Variants in RGPD2 observed in about 807,000 individuals in gnomAD.
The protein encoded by RGPD2 is RANBP2 like and GRIP domain containing 2, also known as RANBP2-like and GRIP domain-containing protein 2.
RGPD2 carries 2 observed loss-of-function variants against 36.0 expected under a neutral mutation model. The observed-to-expected ratio is 0.06, with a 90% CI of 0.02 to 0.17. The LOEUF (loss-of-function observed/expected upper bound fraction) is 0.17. Among genes scored for constraint, RGPD2 ranks in the 10% least tolerant of loss-of-function variants. The probability of loss-of-function intolerance (pLI) is 1.00; values close to 1 mark genes in which losing one functional copy is unlikely to be tolerated. For synonymous variants in RGPD2, 19 were observed against 163.8 expected, an observed-to-expected ratio of 0.12 and a Z score of 6.75; for missense variants, 40 against 464.3, an observed-to-expected ratio of 0.09 and a Z score of 8.40.
the RGPD2 span, among the ~76,000 whole-genome samples, chr2:87,864,576 T>TGATAGATAGATAGATA: frequency 1.3e-5 from 2 of 151,296 alleles, no homozygotes; most frequent in Non-Finnish European, 3.0e-5. Context: ...CATAGATAGA[T>TGATAGATAGATAGATA]GATAGATAGA....
the RGPD2 span, among the ~76,000 whole-genome samples, chr2:87,852,737 G>A: frequency 3.8e-3 from 532 of 140,828 alleles, no homozygotes; most frequent in Admixed American, 8.4e-3. Context: ...GCATAACTCA[G>A]TCTCTTAATT....
At chr2:87,983,908 G>C in the RGPD2 span, among the ~76,000 whole-genome samples, 1 of 152,224 alleles carries the variant, frequency 6.6e-6, no homozygotes, top group African/African-American at 2.4e-5. Flanking sequence ...AGACCAGGAA[G>C]GTGAGCAAGG....
chr2:87,824,565 C>T (rs1686528273), intron 1 of RGPD2, among the ~76,000 whole-genome samples: 1 of 151,848 alleles, frequency 6.6e-6, no homozygotes, highest in Non-Finnish European at 1.5e-5. Flanking sequence ...TTCACTCAAA[C>T]CTAACTTTAC....
At chr2:87,943,855 G>A in the RGPD2 span, among the ~76,000 whole-genome samples, 880 of 152,038 alleles carry the variant, frequency 5.8e-3, 4 homozygotes, top group African/African-American at 0.016. Flanking sequence ...TCCCATCATC[G>A]TTGGTTGAGT....
chr2:87,944,764 T>C, the RGPD2 span, among the ~76,000 whole-genome samples: 1 of 125,290 alleles, frequency 8.0e-6, no homozygotes. Context: ...TATTTTAATA[T>C]GTAATTGGTT....
At chr2:87,813,079 CAT>C (rs1445771341) in intron 4 of RGPD2, among the ~76,000 whole-genome samples, 1 of 152,202 alleles carries the variant, frequency 6.6e-6, no homozygotes, top group Non-Finnish European at 1.5e-5. Flanking sequence ...TTCTCCACCA[CAT>C]GACAAGTTCC....
the RGPD2 span, among the ~76,000 whole-genome samples, chr2:87,915,306 G>GTATATA: frequency 9.0e-4 from 100 of 110,734 alleles, 4 homozygotes; most frequent in African/African-American, 4.0e-3. Flanking sequence ...TATATATATT[G>GTATATA]TATATATATG....
the RGPD2 span, among the ~76,000 whole-genome samples, chr2:87,939,965 G>A: frequency 1.3e-5 from 2 of 152,148 alleles, no homozygotes; most frequent in East Asian, 1.9e-4. Context: ...GAACATTTTC[G>A]CATTTCAAAG....
the RGPD2 span, among the ~76,000 whole-genome samples, chr2:87,897,569 A>G: frequency 6.6e-6 from 1 of 151,780 alleles, no homozygotes; most frequent in Non-Finnish European, 1.5e-5. Flanking sequence ...CTATCAACCC[A>G]TCACATAGGT....
chr2:87,836,168 C>T, the RGPD2 span, among the ~76,000 whole-genome samples: 1 of 151,350 alleles, frequency 6.6e-6, no homozygotes, highest in Admixed American at 6.6e-5. Flanking sequence ...TCCCAAGACA[C>T]ATAGTCCTTG....
the RGPD2 span, among the ~76,000 whole-genome samples, chr2:87,876,085 T>C: frequency 6.6e-6 from 1 of 151,896 alleles, no homozygotes; most frequent in Non-Finnish European, 1.5e-5. Flanking sequence ...TGTGTATATT[T>C]GATTCTGTTT....
the RGPD2 span, among the ~76,000 whole-genome samples, chr2:87,951,727 GATGT>G: frequency 6.8e-6 from 1 of 146,548 alleles, no homozygotes; most frequent in African/African-American, 2.5e-5. Flanking sequence ...TGGGATTACA[GATGT>G]GTGCCACCAC....
chr2:87,989,665 T>G, the RGPD2 span: 1 of 857,080 alleles, frequency 1.2e-6, no homozygotes. Context: ...CCAGCCCACT[T>G]CTTGGAAAGC....
the RGPD2 span, among the ~76,000 whole-genome samples, chr2:87,977,820 A>G: frequency 6.6e-6 from 1 of 152,218 alleles, no homozygotes; most frequent in Non-Finnish European, 1.5e-5. Context: ...AAATGTTATA[A>G]AAAGAATATC....
intron 8 of RGPD2, among the ~76,000 whole-genome samples, chr2:87,798,847 G>T (rs999245735): frequency 1.1e-5 from 1 of 91,512 alleles, no homozygotes; most frequent in Admixed American, 1.3e-4. Context: ...CAGCCTGGGC[G>T]ACAGAGTAAG....
the RGPD2 span, among the ~76,000 whole-genome samples, chr2:87,919,214 A>G: frequency 6.6e-6 from 1 of 152,042 alleles, no homozygotes; most frequent in Non-Finnish European, 1.5e-5. Context: ...GAAATCTAGG[A>G]TCCATCTCTT....
chr2:87,884,288 C>T, the RGPD2 span, among the ~76,000 whole-genome samples: 1 of 151,794 alleles, frequency 6.6e-6, no homozygotes, highest in Non-Finnish European at 1.5e-5. Context: ...TTATGGGATG[C>T]AGCAAAAGTA....
chr2:87,825,697 G>A lies in RGPD2; in HGVS notation c.33C>T (p.Tyr11=), dbSNP rs750595045. The stretch of plus-strand genomic sequence containing the variant: ...GGGCGGAGCCCTGCACCGAGGCGAG[G>A]TACCGCTCCCCGTAGGCTTTGCTGC... MRRSKAYGER[Y]LASVQGSAPS... The change falls in exon 1 of 23, where the codon TAC becomes TAT. Residue 11 remains tyrosine (Y), a synonymous_variant. Transcript: ENST00000398146. The A allele has an allele frequency of 4.4e-6, 7 of 1,601,952 alleles. No individual in the cohort carries two copies. In the South Asian group the frequency reaches 4.5e-5, roughly 10 times the overall value.
At chr2:87,947,443 C>T in the RGPD2 span, among the ~76,000 whole-genome samples, 1 of 152,296 alleles carries the variant, frequency 6.6e-6, no homozygotes, top group Non-Finnish European at 1.5e-5. Flanking sequence ...TCATTTCCTG[C>T]ATCAGGGCTT....
Sources: allele counts gnomAD v4.1 joint callset (sites outside exome capture counted in the v4.1 genomes callset), GRCh38; gene constraint gnomAD v4.1.1; transcripts MANE v1.5; gene names NCBI Gene and HGNC (gene_info 2026-07-23, HGNC 2026-07-21).